The following ALG9 variants were observed in gnomAD, a reference collection of about 807,000 sequenced individuals.
The protein encoded by ALG9 is alpha-1,2-mannosyltransferase ALG9.
In ALG9, 55 loss-of-function variants were observed where a neutral mutation model predicts 81.8. The observed-to-expected ratio is 0.67, with a 90% confidence interval of 0.54 to 0.84. The LOEUF (loss-of-function observed/expected upper bound fraction) is 0.84, where lower values mean the gene tolerates loss of function less well. Among genes scored for constraint, ALG9 ranks in the 40% least tolerant of loss-of-function variants. The pLI, the probability that ALG9 is intolerant of heterozygous loss-of-function variation, is 0.00. For missense variants in ALG9, 629 were observed against 745.0 expected, an observed-to-expected ratio of 0.84 and a Z score of 1.81; for synonymous variants, 278 against 274.3, an observed-to-expected ratio of 1.01 and a Z score of -0.13.
chr11:111,840,695 A>G lies in ALG9; in HGVS notation c.1133T>C (p.Leu378Pro). ...AGCCACAGCGCCACAGAGACATATA[A>G]GTGGATACACAGGGAAAAGAAATCT... The part of the protein sequence containing the change: ...EERFLFPVYP[L>P]ICLCGAVALS... Residue 378 changes from leucine to proline, a missense_variant, in exon 10 of 15, where the codon CTT becomes CCT. Coordinates refer to ENST00000616540, the MANE Select transcript of ALG9 (RefSeq NM_024740.2). The G allele has an allele frequency of 6.2e-7, 1 of 1,614,138 alleles. No individual in the cohort carries two copies. The highest frequency in any genetic ancestry group is 8.5e-7 in the Non-Finnish European group (1 of 1,180,010).
downstream of ALG9, chr11:111,778,325 T>TC (rs1555055861): frequency 6.6e-6 from 1 of 152,192 alleles, no homozygotes; most frequent in African/African-American, 2.4e-5. Context: ...TTGCCAAAAT[T>TC]ATAGTCATTC....
intron 13 of ALG9, among the ~76,000 whole-genome samples, chr11:111,823,386 G>A (rs1341351257): frequency 6.6e-6 from 1 of 152,114 alleles, no homozygotes; most frequent in Non-Finnish European, 1.5e-5. Flanking sequence ...CATATTAAAA[G>A]CCCTGTGCTG....
chr11:111,847,594 G>A (rs1957121545), intron 8 of ALG9, among the ~76,000 whole-genome samples: 1 of 152,052 alleles, frequency 6.6e-6, no homozygotes, highest in Non-Finnish European at 1.5e-5. Flanking sequence ...GTTATGAGGG[G>A]CAAAATCAGT....
intron 9 of ALG9, among the ~76,000 whole-genome samples, chr11:111,841,351 T>C (rs1956182171): frequency 6.6e-6 from 1 of 152,226 alleles, no homozygotes; most frequent in South Asian, 2.1e-4. Context: ...ACGGAGTTTG[T>C]TTCAAGGCAA....
intron 14 of ALG9, among the ~76,000 whole-genome samples, chr11:111,797,868 A>C (rs1028095702): frequency 6.6e-6 from 1 of 152,176 alleles, no homozygotes; most frequent in Non-Finnish European, 1.5e-5. Context: ...CTACGTAGGC[A>C]CTGAAAGAAC....
chr11:111,818,234 AGTCATGC>A (rs1273801965), intron 13 of ALG9, among the ~76,000 whole-genome samples: 1 of 152,260 alleles, frequency 6.6e-6, no homozygotes, highest in Non-Finnish European at 1.5e-5. Context: ...ACTCAAGTAC[AGTCATGC>A]GTCACTTAAC....
intron 5 of ALG9, chr11:111,857,989 A>C: frequency 2.4e-6 from 1 of 415,070 alleles, no homozygotes; most frequent in Non-Finnish European, 4.5e-6. Flanking sequence ...ACCAGGCTGG[A>C]GTGCAGTGGT....
chr11:111,781,229 CACA>C (rs1555056793), downstream of ALG9, among the ~76,000 whole-genome samples: 5 of 152,166 alleles, frequency 3.3e-5, no homozygotes, highest in Admixed American at 6.5e-5. Flanking sequence ...TAACCAACGG[CACA>C]ACACCAGATG....
intron 13 of ALG9, among the ~76,000 whole-genome samples, chr11:111,827,115 T>C (rs970169749): frequency 6.6e-6 from 1 of 152,238 alleles, no homozygotes; most frequent in Non-Finnish European, 1.5e-5. Flanking sequence ...CTACATTGTT[T>C]CTGTTTCTTT....
chr11:111,779,907 TC>T (rs1240560806), downstream of ALG9, among the ~76,000 whole-genome samples: 1 of 152,236 alleles, frequency 6.6e-6, no homozygotes, highest in African/African-American at 2.4e-5. Context: ...TAATCTCACA[TC>T]CCTAATCTAA....
chr11:111,851,072 A>G (rs1555137627), intron 8 of ALG9, among the ~76,000 whole-genome samples: 2 of 152,200 alleles, frequency 1.3e-5, no homozygotes, highest in Non-Finnish European at 2.9e-5. Flanking sequence ...CTGGATCTCA[A>G]AACCTACCAC....
At chr11:111,861,590 G>A (rs926296968) in intron 4 of ALG9, among the ~76,000 whole-genome samples, 21 of 152,072 alleles carry the variant, frequency 1.4e-4, no homozygotes, top group African/African-American at 4.3e-4. Context: ...TCCTGCCTCA[G>A]CCTCCTGAAT....
intron 14 of ALG9, among the ~76,000 whole-genome samples, chr11:111,804,542 G>C (rs1949643963): frequency 1.3e-5 from 2 of 152,092 alleles, no homozygotes; most frequent in Non-Finnish European, 2.9e-5. Flanking sequence ...AGTAAGCTAT[G>C]ACTACACCAC....
intron 14 of ALG9, among the ~76,000 whole-genome samples, chr11:111,788,817 C>A (rs1298190121): frequency 1.3e-5 from 2 of 151,734 alleles, no homozygotes; most frequent in Non-Finnish European, 2.9e-5. Flanking sequence ...AAGGGTAGAA[C>A]AGAAAGATGC....
rs1961935027 is a variant in ALG9, at chr11:111,865,207, G to A, written c.450C>T (p.Ser150=). ...YFLRCLLAFV[S]CICELYFYKA... is the part of the protein sequence containing the mutation. ...TGTAAAAGTAAAGTTCACAAATACA[G>A]CTCACAAAAGCCAGAAGACATCGCA... The change falls in exon 4 of 15, where the codon AGC becomes AGT. Residue 150 remains serine (S), a synonymous_variant. Coordinates refer to ENST00000616540, the MANE Select transcript of ALG9 (RefSeq NM_024740.2). 1.3e-6 allele frequency: 2 copies of A among 1,550,240 alleles called. No homozygotes were observed. Among genetic ancestry groups the A allele is most frequent in the Non-Finnish European group, 1.7e-6 (2 of 1,147,132 alleles).
At position 111,841,640 on chromosome 11, in the gene ALG9, G is replaced by C. The variant is rs1394578517; in HGVS notation, c.1019-831C>G. Among the ~76,000 whole-genome samples, 3 of 152,212 alleles carry C rather than the reference G, an allele frequency of 2.0e-5. No individual in the cohort carries two copies. The East Asian group carries it at 5.8e-4, about 29-fold the overall frequency. On this transcript the variant is annotated intron_variant, in intron 9 of 14. Transcript: ENST00000616540. ...CGCAAATGCGGGCAAATGGTAGATA[G>C]ACAGCGCCCCCTGGTGTCCACCATG... is the stretch of plus-strand genomic sequence containing the variant.
At position 111,803,334 on chromosome 11, in the gene ALG9, T is replaced by G. The variant is rs117312740; in HGVS notation, c.1733+6309A>C. Among the ~76,000 whole-genome samples the G allele has an allele frequency of 6.6e-3, 999 of 151,910 alleles. 6 individuals carry two copies. The highest frequency in any genetic ancestry group is 0.051 in the Middle Eastern group (15 of 294). ...CTGGCCAACATTGTGAAACTCCATC[T>G]CCACTAAAAATACAACAATAGCCAG... is the stretch of plus-strand genomic sequence containing the variant. On this transcript the variant is annotated intron_variant, in intron 14 of 14. Transcript: ENST00000616540.
chr11:111,857,391 G>A (rs1555144047), intron 6 of ALG9, among the ~76,000 whole-genome samples: 1 of 152,202 alleles, frequency 6.6e-6, no homozygotes, highest in East Asian at 1.9e-4. Flanking sequence ...GTTTCACTGT[G>A]CCTAACACAT....
intron 14 of ALG9, among the ~76,000 whole-genome samples, chr11:111,787,144 T>C (rs1349475451): frequency 2.0e-5 from 3 of 152,202 alleles, no homozygotes; most frequent in Non-Finnish European, 4.4e-5. Context: ...TTTAAATATA[T>C]TATCGGCCGG....
Sources: gnomAD v4.1 joint callset for allele counts (sites outside exome capture counted in the v4.1 genomes callset) on GRCh38, gnomAD v4.1.1 for gene constraint, MANE v1.5 for transcripts, NCBI Gene and HGNC (gene_info 2026-07-23, HGNC 2026-07-21) for gene names.